CD2AP: variants seen among roughly 807,000 people sequenced by gnomAD.
The protein encoded by CD2AP is CD2 associated protein, also known as CD2-associated protein.
A neutral mutation model predicts 85.1 loss-of-function variants in CD2AP; 46 were observed. The observed-to-expected ratio is 0.54, with a 90% confidence interval of 0.43 to 0.69. The LOEUF (loss-of-function observed/expected upper bound fraction) is 0.69, where lower values mean the gene tolerates loss of function less well. CD2AP is among the 30% of genes least tolerant of loss of function. CD2AP has a pLI of 0.00. For synonymous variants in CD2AP, 255 were observed against 252.9 expected (o/e 1.01, Z -0.08); for missense variants, 769 against 729.5 (o/e 1.05, Z -0.62).
chr6:47,619,128 G>A (rs969321408), intron 17 of CD2AP, among the ~76,000 whole-genome samples: 2 of 152,152 alleles, frequency 1.3e-5, no homozygotes, highest in Admixed American at 1.3e-4. Context: ...GGTTACATGA[G>A]TAAGTTCTTT....
chr6:47,489,967 CTTTT>C (rs71684059), intron 1 of CD2AP, among the ~76,000 whole-genome samples: 13 of 121,696 alleles, frequency 1.1e-4, no homozygotes, highest in African/African-American at 4.0e-4. Flanking sequence ...TCTAAAGAGA[CTTTT>C]TTTTTTTTTT....
intron 11 of CD2AP, among the ~76,000 whole-genome samples, chr6:47,592,155 A>G (rs1377090097): frequency 6.6e-6 from 1 of 152,042 alleles, no homozygotes; most frequent in Non-Finnish European, 1.5e-5. Context: ...AATTATCATA[A>G]TATCTGTACC....
chr6:47,594,707 C>G (rs1323326985), intron 11 of CD2AP, among the ~76,000 whole-genome samples: 3 of 151,754 alleles, frequency 2.0e-5, no homozygotes, highest in Non-Finnish European at 4.4e-5. Context: ...ATCTTGAGGC[C>G]ATATAAAAAT....
chr6:47,577,873 T>C (rs543211800), intron 8 of CD2AP, among the ~76,000 whole-genome samples: 1 of 152,236 alleles, frequency 6.6e-6, no homozygotes, highest in African/African-American at 2.4e-5. Flanking sequence ...CTACCACACC[T>C]GGCCCCATTG....
chr6:47,507,928 G>A (rs757394371), intron 2 of CD2AP, among the ~76,000 whole-genome samples: 1 of 152,202 alleles, frequency 6.6e-6, no homozygotes, highest in African/African-American at 2.4e-5. Context: ...GAATCTTTCT[G>A]CAGTAGGTCT....
At chr6:47,489,725 G>C (rs9369700) in intron 1 of CD2AP, among the ~76,000 whole-genome samples, 93,042 of 151,890 alleles carry the variant, frequency 0.61, 29,220 homozygotes, top group Middle Eastern at 0.74. Flanking sequence ...ATTGTTACTT[G>C]TCCAAGTCAG....
rs562899803 is a variant in CD2AP, at chr6:47,539,810, T to C, written c.320-4796T>C. ...CTTGTTAGTAGCTTTACTTATATAA[T>C]GATTTTTAGAAGACAATTTTTGTAC... On this transcript the variant is annotated intron_variant, in intron 3 of 17. Transcript: ENST00000359314. 5.9e-5 allele frequency among the ~76,000 whole-genome samples: 9 copies of C among 152,268 alleles called. No individual in the cohort carries two copies. In the South Asian group the frequency reaches 1.9e-3, roughly 32 times the overall value.
chr6:47,619,321 A>G (rs908149043), intron 17 of CD2AP, among the ~76,000 whole-genome samples: 11 of 151,724 alleles, frequency 7.3e-5, no homozygotes, highest in African/African-American at 2.4e-4. Context: ...AGAACATACA[A>G]TGTTTGATTT....
At chr6:47,564,062 A>G (rs900034331) in intron 5 of CD2AP, among the ~76,000 whole-genome samples, 4 of 152,162 alleles carry the variant, frequency 2.6e-5, no homozygotes, top group South Asian at 2.1e-4. Context: ...TACTTTCACT[A>G]TTTTATGTTA....
chr6:47,579,405 G>C lies in CD2AP; in HGVS notation c.924G>C (p.Trp308Cys). The change falls in exon 9 of 18, where the codon TGG becomes TGC. Residue 308 changes from tryptophan to cysteine, a missense_variant. Physicochemically the swap from Trp to Cys is radical, Grantham distance 215. Transcript: ENST00000359314. ...TTTAGGAGACTGGAGAAGCTGGCTG[G>C]TGGAGGGGCGAACTTAATGGTAAAG... is the stretch of plus-strand genomic sequence containing the variant. The part of the protein sequence containing the change: ...LISKETGEAG[W>C]WRGELNGKEG... 6.2e-7 allele frequency: 1 copy of C among 1,611,526 alleles called. No homozygotes were observed. Among genetic ancestry groups the C allele is most frequent in the Non-Finnish European group, 8.5e-7 (1 of 1,177,728 alleles).
At chr6:47,536,502 A>C (rs918993575) in intron 3 of CD2AP, among the ~76,000 whole-genome samples, 1 of 152,170 alleles carries the variant, frequency 6.6e-6, no homozygotes, top group African/African-American at 2.4e-5. Flanking sequence ...GAGAGGTTCA[A>C]ATAAGTATAA....
At position 47,624,171 on chromosome 6, in the gene CD2AP, T is replaced by A. The variant is rs760951876; in HGVS notation, c.1879-15T>A. On this transcript the variant is annotated splice_polypyrimidine_tract_variant and intron_variant, in intron 17 of 17. Coordinates refer to ENST00000359314, the MANE Select transcript of CD2AP (RefSeq NM_012120.3). ...GGATATTTTATGTTTGCTCAATTTA[T>A]GTTTTTTGTTTTAGATGGAAATAGA... The A allele has an allele frequency of 6.9e-6, 11 of 1,595,334 alleles. No homozygotes were observed. In the East Asian group the frequency reaches 2.5e-4, roughly 36 times the overall value.
chr6:47,504,398 A>C (rs1243584637), intron 2 of CD2AP, among the ~76,000 whole-genome samples: 1 of 152,120 alleles, frequency 6.6e-6, no homozygotes, highest in Non-Finnish European at 1.5e-5. Context: ...TTGTGGTTTC[A>C]CCTCCAAGTA....
At chr6:47,620,723 G>T (rs1769719112) in intron 17 of CD2AP, among the ~76,000 whole-genome samples, 1 of 152,090 alleles carries the variant, frequency 6.6e-6, no homozygotes, top group African/African-American at 2.4e-5. Flanking sequence ...ATTTCTTTCA[G>T]CAGTGTTTTG....
At chr6:47,599,170 T>C in intron 12 of CD2AP, 131 bp from the exon 13 acceptor site, 2 of 734,138 alleles carry the variant, frequency 2.7e-6, no homozygotes, top group East Asian at 2.7e-5. Flanking sequence ...GTTTTGCGTT[T>C]ATGGAAATGG....
At chr6:47,592,675 A>G (rs1300689118) in intron 11 of CD2AP, among the ~76,000 whole-genome samples, 1 of 152,142 alleles carries the variant, frequency 6.6e-6, no homozygotes, top group African/African-American at 2.4e-5. Context: ...GGAACCAACC[A>G]AATGTTTAGC....
In CD2AP at chr6:47,483,488, G is replaced by C. The variant is rs377761664; in HGVS notation, c.4+5240G>C. On this transcript the variant is annotated intron_variant, in intron 1 of 17. Coordinates refer to ENST00000359314, the MANE Select transcript of CD2AP (RefSeq NM_012120.3). The stretch of plus-strand genomic sequence containing the variant: ...GCCACAGGGAAACAAAATGAGACAG[G>C]GTCCAGATTTCTTATTGGAGAAATA... Among the ~76,000 whole-genome samples the C allele has an allele frequency of 4.6e-5, 7 of 152,014 alleles. No homozygotes were observed. In the East Asian group the frequency reaches 5.8e-4, roughly 13 times the overall value.
intron 16 of CD2AP, among the ~76,000 whole-genome samples, chr6:47,612,208 G>T (rs1411296109): frequency 6.6e-6 from 1 of 152,032 alleles, no homozygotes; most frequent in East Asian, 1.9e-4. Context: ...TCTTCTAAAG[G>T]TTAGATATTA....
At chr6:47,541,809 A>T (rs1285094208) in intron 3 of CD2AP, among the ~76,000 whole-genome samples, 2 of 152,206 alleles carry the variant, frequency 1.3e-5, no homozygotes, top group Non-Finnish European at 2.9e-5. Context: ...CAAGAACATA[A>T]GTCTTCTGAC....
Sources: allele counts gnomAD v4.1 joint callset (sites outside exome capture counted in the v4.1 genomes callset), GRCh38; gene constraint gnomAD v4.1.1; transcripts MANE v1.5; gene names NCBI Gene and HGNC (gene_info 2026-07-23, HGNC 2026-07-21).